Variants in CDH12 observed in about 807,000 individuals in gnomAD.
CDH12 encodes the protein cadherin-12.
Under a neutral mutation model 74.1 loss-of-function variants are expected in CDH12, and 41 were observed. That is an observed-to-expected ratio of 0.55 (90% confidence interval 0.43 to 0.72). The LOEUF is 0.72. Ranked by LOEUF, CDH12 falls within the 30% of genes least tolerant of loss-of-function variation. CDH12 has a pLI of 0.00. For synonymous variants in CDH12, 399 were observed against 355.0 expected, an observed-to-expected ratio of 1.12 and a Z score of -1.39; for missense variants, 945 against 977.2, an observed-to-expected ratio of 0.97 and a Z score of 0.44.
intron 3 of CDH12, among the ~76,000 whole-genome samples, chr5:22,266,654 A>G (rs1736130245): frequency 6.6e-6 from 1 of 152,126 alleles, no homozygotes; most frequent in African/African-American, 2.4e-5. Flanking sequence ...TTATGTTAGA[A>G]ATGAACATAT....
intron 1 of CDH12, among the ~76,000 whole-genome samples, chr5:22,792,828 T>C (rs1747985264): frequency 6.6e-6 from 1 of 152,218 alleles, no homozygotes; most frequent in South Asian, 2.1e-4. Flanking sequence ...ATATCTCTCC[T>C]GGTGTCATTC....
At chr5:22,127,166 T>C (rs1472042121) in intron 4 of CDH12, among the ~76,000 whole-genome samples, 1 of 151,990 alleles carries the variant, frequency 6.6e-6, no homozygotes, top group Non-Finnish European at 1.5e-5. Context: ...AGATGAGCTA[T>C]AAGAAGAGAG....
rs61616737 is a variant in CDH12, at chr5:22,836,223, C to CTTTTTTTTTTTTTTTTTTTTTTTTTTTT, written c.-523+16834_-523+16835insAAAAAAAAAAAAAAAAAAAAAAAAAAAA. Among the ~76,000 whole-genome samples the CTTTTTTTTTTTTTTTTTTTTTTTTTTTT allele has an allele frequency of 2.6e-4, 17 of 65,506 alleles. 2 individuals are homozygous for CTTTTTTTTTTTTTTTTTTTTTTTTTTTT. The highest frequency in any genetic ancestry group is 4.7e-4 in the East Asian group (1 of 2,136). The allele number at this position is 65,506 out of a possible 152,430, so 43.0% of individuals were successfully genotyped here. On this transcript the variant is annotated intron_variant, in intron 1 of 14. Transcript: ENST00000382254. ...TTTTTTTCTTTTTTTCTTTCTTTCT[C>CTTTTTTTTTTTTTTTTTTTTTTTTTTTT]TTTTTTTTTTTTTTTTTTGAGACAG...
At chr5:21,803,438 A>G (rs1445721193) in intron 9 of CDH12, among the ~76,000 whole-genome samples, 6 of 152,262 alleles carry the variant, frequency 3.9e-5, no homozygotes, top group Admixed American at 1.3e-4. Flanking sequence ...ATTAATATAT[A>G]TGACTAAATT....
chr5:22,159,218 G>A (rs1181224216), intron 4 of CDH12, among the ~76,000 whole-genome samples: 1 of 152,040 alleles, frequency 6.6e-6, no homozygotes, highest in Non-Finnish European at 1.5e-5. Flanking sequence ...AGAGAGACAG[G>A]ACAAGAGAGG....
chr5:22,691,635 G>T (rs1027310733), intron 1 of CDH12, among the ~76,000 whole-genome samples: 1 of 152,126 alleles, frequency 6.6e-6, no homozygotes, highest in Admixed American at 6.5e-5. Context: ...TTTCAAACAA[G>T]ATCATCTGGG....
At chr5:22,325,299 C>T (rs1739039018) in intron 3 of CDH12, among the ~76,000 whole-genome samples, 1 of 151,994 alleles carries the variant, frequency 6.6e-6, no homozygotes, top group African/African-American at 2.4e-5. Context: ...TAGTACTAAA[C>T]CTCAGAGCAA....
At chr5:22,469,149 A>T (rs1745856827) in intron 2 of CDH12, among the ~76,000 whole-genome samples, 1 of 152,202 alleles carries the variant, frequency 6.6e-6, no homozygotes. Flanking sequence ...TGCATAGCAC[A>T]TGCCACCACA....
At chr5:22,210,650 G>A (rs1213980563) in intron 4 of CDH12, among the ~76,000 whole-genome samples, 11 of 151,930 alleles carry the variant, frequency 7.2e-5, no homozygotes, top group South Asian at 2.1e-4. Context: ...TTCAATGGAC[G>A]TACTCTGGTC....
chr5:22,711,081 C>T (rs1028880335), intron 1 of CDH12, among the ~76,000 whole-genome samples: 9 of 151,378 alleles, frequency 5.9e-5, no homozygotes, highest in African/African-American at 2.2e-4. Flanking sequence ...GTGTTTTTAT[C>T]CTAGTACTTA....
At chr5:22,517,798 C>CT (rs985393689) in intron 1 of CDH12, among the ~76,000 whole-genome samples, 77 of 152,226 alleles carry the variant, frequency 5.1e-4, no homozygotes, top group African/African-American at 1.6e-3. Flanking sequence ...TACTTCCTGT[C>CT]TTTTGTTTCT....
chr5:22,493,687 C>T (rs1746984170), intron 2 of CDH12, among the ~76,000 whole-genome samples: 1 of 151,728 alleles, frequency 6.6e-6, no homozygotes, highest in Non-Finnish European at 1.5e-5. Flanking sequence ...AAAGCCATTC[C>T]ATTAAGATGG....
chr5:22,661,875 T>C (rs1005685701), intron 1 of CDH12, among the ~76,000 whole-genome samples: 4 of 152,182 alleles, frequency 2.6e-5, no homozygotes, highest in African/African-American at 9.7e-5. Context: ...TATTAGTAAA[T>C]TGCTTGAATG....
chr5:22,531,056 G>C (rs1345006375), intron 1 of CDH12, among the ~76,000 whole-genome samples: 1 of 152,022 alleles, frequency 6.6e-6, no homozygotes, highest in African/African-American at 2.4e-5. Flanking sequence ...TGCTATGCAT[G>C]ATTTTTTGGG....
At chr5:22,840,422 C>T (rs975568529) in intron 1 of CDH12, among the ~76,000 whole-genome samples, 1 of 151,996 alleles carries the variant, frequency 6.6e-6, no homozygotes, top group African/African-American at 2.4e-5. Context: ...TGCATGCATA[C>T]TCATGCTAAT....
chr5:21,757,705 T>G (rs1744480372), intron 13 of CDH12, among the ~76,000 whole-genome samples: 1 of 152,196 alleles, frequency 6.6e-6, no homozygotes, highest in Admixed American at 6.5e-5. Context: ...CCCATTAACA[T>G]GATTAATCTG....
At chr5:22,246,442 G>T (rs553672900) in intron 3 of CDH12, among the ~76,000 whole-genome samples, 37 of 152,088 alleles carry the variant, frequency 2.4e-4, no homozygotes, top group African/African-American at 8.4e-4. Context: ...TAACATGTAG[G>T]CTTTGAAATT....
In CDH12 at chr5:22,696,184, C is replaced by T. The variant is rs539774840; in HGVS notation, c.-523+156874G>A. On this transcript the variant is annotated intron_variant, in intron 1 of 14. Transcript: ENST00000382254. ...GAGATCGAGACCATCCTGGCTAACA[C>T]AATGAAACCCACGTCTCTACTGAAA... Among the ~76,000 whole-genome samples, 112 of 151,896 alleles carry T rather than the reference C, an allele frequency of 7.4e-4. 2 individuals carry two copies. The highest frequency in any genetic ancestry group is 2.4e-3 in the African/African-American group (98 of 41,422).
chr5:22,570,982 T>A (rs1178337671), intron 1 of CDH12, among the ~76,000 whole-genome samples: 2 of 152,240 alleles, frequency 1.3e-5, no homozygotes, highest in African/African-American at 4.8e-5. Flanking sequence ...AGATGGCTTA[T>A]TTTCTTAAAC....
Sources: gnomAD v4.1 joint callset for allele counts (sites outside exome capture counted in the v4.1 genomes callset) on GRCh38, gnomAD v4.1.1 for gene constraint, MANE v1.5 for transcripts, NCBI Gene and HGNC (gene_info 2026-07-23, HGNC 2026-07-21) for gene names.